The following SPATA7 variants were observed in gnomAD, a reference collection of about 807,000 sequenced individuals.
SPATA7 encodes spermatogenesis associated 7, also known as spermatogenesis-associated protein 7.
A neutral mutation model predicts 51.8 loss-of-function variants in SPATA7; 43 were observed. The ratio of observed to expected loss-of-function variants is 0.83; its 90% CI spans 0.65 to 1.07. The LOEUF is 1.07. Ranked by LOEUF, SPATA7 falls within the 50% of genes least tolerant of loss-of-function variation. The pLI is 0.00. For missense variants in SPATA7, 683 were observed against 701.3 expected (o/e 0.97, Z 0.30); for synonymous variants, 230 against 252.8 (o/e 0.91, Z 0.86).
At chr14:88,459,099 A>C (rs2077301888), downstream of SPATA7, among the ~76,000 whole-genome samples, 1 of 152,138 alleles carries the variant, frequency 6.6e-6, no homozygotes, top group Non-Finnish European at 1.5e-5. Context: ...GTTTGTTATA[A>C]TTTCTGTTCT....
At chr14:88,433,233 T>TA (rs763179227) in intron 10 of SPATA7, 21 bp downstream of exon 10, 1 of 1,508,010 alleles carries the variant, frequency 6.6e-7, no homozygotes, top group African/African-American at 1.4e-5. Context: ...TTAATGGTGT[T>TA]ATGTTAATTC....
chr14:88,385,703 C>CTGCAGCCCCCGTCGGCTCCTCT lies in SPATA7; in HGVS notation c.-114_-93dup, dbSNP rs2075548462. The stretch of plus-strand genomic sequence containing the variant: ...CGGCCTGGCAACGGTTTCCCTGCTG[C>CTGCAGCCCCCGTCGGCTCCTCT]TGCAGCCCCCGTCGGCTCCTCTTTT... On this transcript the variant is annotated 5_prime_UTR_variant, in exon 1 of 12. Coordinates refer to ENST00000393545, the MANE Select transcript of SPATA7 (RefSeq NM_018418.5). The CTGCAGCCCCCGTCGGCTCCTCT allele has an allele frequency of 9.8e-7, 1 of 1,019,438 alleles. No homozygotes were observed. Among genetic ancestry groups the CTGCAGCCCCCGTCGGCTCCTCT allele is most frequent in the Non-Finnish European group, 1.5e-6 (1 of 664,880 alleles). The allele number at this position is 1,019,438 out of a possible 1,614,324, so 63.1% of individuals were successfully genotyped here.
rs189605146 is a variant in SPATA7 at position 88,448,901 on chromosome 14, G to T, written c.178-6159G>T. On this transcript the variant is annotated intron_variant, in intron 3 of 3. Transcript: ENST00000554802. ...TGCTCTCTTCAAAGCTGTCAGACTG[G>T]GACATTTTTTTGTCCTGCTTATTTC... 1.4e-3 allele frequency among the ~76,000 whole-genome samples: 216 copies of T among 152,134 alleles called. 1 individual carries two copies. Among genetic ancestry groups the T allele is most frequent in the African/African-American group, 4.9e-3 (205 of 41,508 alleles).
chr14:88,392,429 C>T (rs2075769883), intron 2 of SPATA7, among the ~76,000 whole-genome samples: 1 of 152,074 alleles, frequency 6.6e-6, no homozygotes, highest in South Asian at 2.1e-4. Context: ...CCTCAGTTTT[C>T]ACTTCGATTA....
intron 3 of SPATA7, chr14:88,454,997 C>T (rs1171802067): frequency 4.5e-6 from 2 of 448,868 alleles, no homozygotes; most frequent in Non-Finnish European, 9.0e-6. Context: ...GCCCCATCCC[C>T]ATAGCTTCTG....
At chr14:88,397,367 C>T (rs1167516727) in intron 4 of SPATA7, among the ~76,000 whole-genome samples, 2 of 152,028 alleles carry the variant, frequency 1.3e-5, no homozygotes, top group African/African-American at 2.4e-5. Flanking sequence ...TAAAAATTAT[C>T]CAAAAATACC....
chr14:88,430,711 G>C (rs2076916354), intron 8 of SPATA7, among the ~76,000 whole-genome samples: 1 of 152,094 alleles, frequency 6.6e-6, no homozygotes, highest in Non-Finnish European at 1.5e-5. Flanking sequence ...ACCTGTCTTT[G>C]CTGCTTACTA....
At chr14:88,418,246 A>G (rs2076540645) in intron 5 of SPATA7, among the ~76,000 whole-genome samples, 1 of 151,516 alleles carries the variant, frequency 6.6e-6, no homozygotes, top group South Asian at 2.1e-4. Flanking sequence ...TGTTTTGTTA[A>G]TATCTGTGTT....
At chr14:88,406,754 A>G (rs2076211251) in intron 4 of SPATA7, 1 of 152,012 alleles carries the variant, frequency 6.6e-6, no homozygotes, top group African/African-American at 2.4e-5. Context: ...TCCTAATACT[A>G]TCCCTTCCCC....
At chr14:88,434,328 A>G (rs2077018448) in intron 10 of SPATA7, among the ~76,000 whole-genome samples, 1 of 152,224 alleles carries the variant, frequency 6.6e-6, no homozygotes, top group South Asian at 2.1e-4. Context: ...TTAGGGATTA[A>G]AAATGATGTT....
At chr14:88,435,761 T>G (rs1323082382) in intron 10 of SPATA7, among the ~76,000 whole-genome samples, 1 of 152,214 alleles carries the variant, frequency 6.6e-6, no homozygotes, top group Admixed American at 6.5e-5. Context: ...TGACAGGATC[T>G]CACTTTTTTA....
chr14:88,416,560 T>C (rs1225255406), intron 4 of SPATA7, 151 bp from the exon 5 acceptor site: 19 of 678,804 alleles, frequency 2.8e-5, no homozygotes, highest in Middle Eastern at 3.9e-4. Context: ...TAAAATGTGT[T>C]AGTAACTCTT....
chr14:88,409,682 A>G (rs1053192924), intron 4 of SPATA7, among the ~76,000 whole-genome samples: 1 of 152,088 alleles, frequency 6.6e-6, no homozygotes, highest in African/African-American at 2.4e-5. Context: ...TTGTGATGTT[A>G]GGGTGTCGAT....
At chr14:88,445,446 C>T (rs532166317) in intron 3 of SPATA7, among the ~76,000 whole-genome samples, 64 of 152,288 alleles carry the variant, frequency 4.2e-4, no homozygotes, top group African/African-American at 1.4e-3. Context: ...GACAGTTTGA[C>T]TTCCTCTTTT....
chr14:88,451,953 A>C (rs951724162), intron 3 of SPATA7, among the ~76,000 whole-genome samples: 1 of 151,976 alleles, frequency 6.6e-6, no homozygotes, highest in African/African-American at 2.4e-5. Context: ...GTTTGGATCC[A>C]CTGTTGGTGA....
At chr14:88,461,490 G>T (rs2077317344) in intron 4 of SPATA7, among the ~76,000 whole-genome samples, 1 of 152,176 alleles carries the variant, frequency 6.6e-6, no homozygotes, top group Non-Finnish European at 1.5e-5. Context: ...GTATCTGTGG[G>T]CGTGGGACCC....
intron 4 of SPATA7, chr14:88,466,646 GGC>G (rs1455462123): frequency 6.6e-6 from 1 of 152,208 alleles, no homozygotes; most frequent in Non-Finnish European, 1.5e-5. Flanking sequence ...ACTGTGACAA[GGC>G]CATCTTAATC....
intron 4 of SPATA7, chr14:88,467,230 G>A (rs2077378691): frequency 6.6e-6 from 1 of 152,056 alleles, no homozygotes; most frequent in Non-Finnish European, 1.5e-5. Flanking sequence ...TTGTTATTGT[G>A]TCATCTACAA....
chr14:88,459,366 T>C (rs1226884701), downstream of SPATA7, among the ~76,000 whole-genome samples: 2 of 152,214 alleles, frequency 1.3e-5, no homozygotes, highest in Non-Finnish European at 2.9e-5. Flanking sequence ...TAAGTCTCTT[T>C]GTAAGTCTCT....
Sources: gnomAD v4.1 joint callset for allele counts (sites outside exome capture counted in the v4.1 genomes callset) on GRCh38, gnomAD v4.1.1 for gene constraint, MANE v1.5 for transcripts, NCBI Gene and HGNC (gene_info 2026-07-23, HGNC 2026-07-21) for gene names.